CCDC88B: variants seen among roughly 807,000 people sequenced by gnomAD.
CCDC88B encodes the protein coiled-coil and HOOK domain protein 88B.
Under a neutral mutation model 183.7 loss-of-function variants are expected in CCDC88B, and 138 were observed. That is an observed-to-expected ratio of 0.75 (90% CI 0.65 to 0.87). CCDC88B has a LOEUF of 0.87. CCDC88B is among the 40% of genes least tolerant of loss of function. The probability of loss-of-function intolerance (pLI) is 0.00; values close to 1 mark genes in which losing one functional copy is unlikely to be tolerated. For missense variants in CCDC88B, 1,822 were observed against 1,965.6 expected, an observed-to-expected ratio of 0.93 and a Z score of 1.38; for synonymous variants, 835 against 867.5, an observed-to-expected ratio of 0.96 and a Z score of 0.66.
chr11:64,343,926 C>A lies in CCDC88B; in HGVS notation c.1455+12C>A. ...AGCCAGGGGGCCAGGTAAGTCCCCTCCCCCAGGGTCCTGGCCGGCCCTTCC... is the reference window on the plus strand; with the variant it reads ...AGCCAGGGGGCCAGGTAAGTCCCCTACCCCAGGGTCCTGGCCGGCCCTTCC... On this transcript the variant is annotated intron_variant, in intron 13 of 26. Transcript: ENST00000356786. 1 of 1,589,868 alleles carries A rather than the reference C, an allele frequency of 6.3e-7. No homozygotes were observed. The highest frequency in any genetic ancestry group is 8.6e-7 in the Non-Finnish European group (1 of 1,167,362).
At position 64,352,836 on chromosome 11, in the gene CCDC88B, G is replaced by A. The variant is rs778991493; in HGVS notation, c.3449G>A (p.Arg1150Gln). ...ERERLMQDGH[R>Q]QRGLEEELRR... The stretch of plus-strand genomic sequence containing the variant: ...GAACGCCTGATGCAAGATGGGCATC[G>A]GCAGCGGGGCCTGGAGGAGGAGCTG... The change falls in exon 20 of 27, where the codon CGG becomes CAG. Residue 1150 changes from arginine to glutamine, a missense_variant. Transcript: ENST00000356786. 5.0e-6 allele frequency: 8 copies of A among 1,611,726 alleles called. No homozygotes were observed. The highest frequency in any genetic ancestry group is 2.2e-5 in the South Asian group (2 of 90,920).
At position 64,344,857 on chromosome 11, in the gene CCDC88B, G is replaced by A. The variant is rs772636824; in HGVS notation, c.2316G>A (p.Ala772=). The A allele has an allele frequency of 3.4e-5, 54 of 1,609,758 alleles. No homozygotes were observed. The highest frequency in any genetic ancestry group is 4.3e-5 in the Non-Finnish European group (51 of 1,178,360). ...AARLSKELAQ[A]RRAEAEAHRE... ...GCCTCTCCAAGGAGCTGGCCCAAGC[G>A]CGAAGGGCAGAGGCCGAGGCCCACC... is the stretch of plus-strand genomic sequence containing the variant. Residue 772 remains alanine, a synonymous_variant, in exon 14 of 27, where the codon GCG becomes GCA. Transcript: ENST00000356786. The surrounding 1 kb of genome is among the most constrained non-coding windows in gnomAD (Gnocchi z 4.5).
At chr11:64,342,479 G>C (rs1198559817) in intron 9 of CCDC88B, 43 bp from the exon 10 acceptor site, 1 of 1,531,944 alleles carries the variant, frequency 6.5e-7, no homozygotes. Context: ...TAATCCCTCT[G>C]GCCCGCGGCT....
intron 14 of CCDC88B, among the ~76,000 whole-genome samples, 154 bp downstream of exon 14, chr11:64,345,311 T>G (rs1275133501): frequency 2.6e-5 from 4 of 151,994 alleles, no homozygotes; most frequent in African/African-American, 9.7e-5. Flanking sequence ...TCCAAAGGTG[T>G]GCCTGGCCTG....
rs141360492 is a variant in CCDC88B, at chr11:64,344,185, C to T, written c.1644C>T (p.Pro548=). 113 of 1,612,012 alleles carry T rather than the reference C, an allele frequency of 7.0e-5. 2 individuals carry two copies. In the Middle Eastern group the frequency reaches 3.9e-3, roughly 56 times the overall value. Residue 548 remains proline (P), a synonymous_variant, in exon 14 of 27, where the codon CCC becomes CCT. Coordinates refer to ENST00000356786, the MANE Select transcript of CCDC88B (RefSeq NM_032251.6). This position sits in a 1 kb window ranked among gnomAD's most constrained non-coding sequence, Gnocchi z 4.5. Reference sequence around the variant, plus strand: ...TGCTCGAGGCATCAGCTGAGTGTCCCCAGGCACCTGATTCAGACCCACAGG... The same window carrying T: ...TGCTCGAGGCATCAGCTGAGTGTCCTCAGGCACCTGATTCAGACCCACAGG... The part of the protein sequence containing the change: ...DSVLEASAEC[P]QAPDSDPQEA...
intron 23 of CCDC88B, 41 bp from the exon 24 acceptor site, chr11:64,353,963 C>T (rs760727489): frequency 1.3e-5 from 20 of 1,538,606 alleles, no homozygotes; most frequent in African/African-American, 8.2e-5. Flanking sequence ...CTCCCTCCCT[C>T]CTCCCTGTCC....
intron 16 of CCDC88B, 75 bp downstream of exon 16, chr11:64,349,743 C>A: frequency 7.4e-7 from 1 of 1,353,544 alleles, no homozygotes; most frequent in Non-Finnish European, 1.0e-6. Flanking sequence ...CCAGGGTCAT[C>A]TGTCCTCCTA....
chr11:64,345,094 C>T lies in CCDC88B; in HGVS notation c.2553C>T (p.Ser851=), dbSNP rs566480899. Residue 851 remains serine, a synonymous_variant, in exon 14 of 27, where the codon AGC becomes AGT. Coordinates refer to ENST00000356786, the MANE Select transcript of CCDC88B (RefSeq NM_032251.6). ...AGGAACGGATGCAGGTGCTGGAGAG[C>T]GAGGGCCGCCAGCACTTGGAGGAGG... ...AAEERMQVLE[S]EGRQHLEEAE... 48 of 1,550,708 alleles carry T rather than the reference C, an allele frequency of 3.1e-5. No individual in the cohort carries two copies. The highest frequency in any genetic ancestry group is 2.9e-4 in the Admixed American group (15 of 51,618).
At chr11:64,353,556 G>A in intron 22 of CCDC88B, 60 bp downstream of exon 22, 2 of 1,587,432 alleles carry the variant, frequency 1.3e-6, no homozygotes, top group Non-Finnish European at 8.6e-7. Flanking sequence ...TTCCTGGGGA[G>A]AGCCCTTAGT....
chr11:64,349,934 C>T (rs1380317098), intron 16 of CCDC88B: 1 of 531,454 alleles, frequency 1.9e-6, no homozygotes, highest in Non-Finnish European at 3.4e-6. Context: ...CACCCGAGGT[C>T]CTCCACTGCC....
In CCDC88B at chr11:64,355,285, C is replaced by T. The variant is rs574433641; in HGVS notation, c.4191C>T (p.Ser1397=). Reference sequence around the variant, plus strand: ...CAGGCGGGCAGCGGCGGAAACTCAGCTCAAGGTTCCCGGTGGGGCGAAGCT... The same window carrying T: ...CAGGCGGGCAGCGGCGGAAACTCAGTTCAAGGTTCCCGGTGGGGCGAAGCT... ...TLAGGQRRKL[S]SRFPVGRSSE... is the part of the protein sequence containing the mutation. Residue 1397 remains serine (S), a synonymous_variant, in exon 25 of 27, where the codon AGC becomes AGT. Transcript: ENST00000356786. 4.4e-6 allele frequency: 7 copies of T among 1,590,072 alleles called. No homozygotes were observed. Among genetic ancestry groups the T allele is most frequent in the African/African-American group, 2.7e-5 (2 of 74,090 alleles).
chr11:64,348,089 C>T (rs1012700788), intron 14 of CCDC88B, among the ~76,000 whole-genome samples: 2 of 148,502 alleles, frequency 1.3e-5, no homozygotes, highest in African/African-American at 5.0e-5. Flanking sequence ...ACCTGCCTCA[C>T]AGGATCCTGT....
At chr11:64,341,824 G>C in intron 7 of CCDC88B, 82 bp downstream of exon 7, 1 of 1,494,498 alleles carries the variant, frequency 6.7e-7, no homozygotes, top group South Asian at 1.3e-5. Context: ...GGAGATGGAA[G>C]TTTGGGGCCC....
In CCDC88B at chr11:64,344,570, G is replaced by A. The variant is rs1227285401; in HGVS notation, c.2029G>A (p.Ala677Thr). 1 of 1,607,202 alleles carries A rather than the reference G, an allele frequency of 6.2e-7. No individual in the cohort carries two copies. The highest frequency in any genetic ancestry group is 8.5e-7 in the Non-Finnish European group (1 of 1,176,808). Residue 677 changes from alanine (A) to threonine (T), a missense_variant, in exon 14 of 27, where the codon GCA becomes ACA. Coordinates refer to ENST00000356786, the MANE Select transcript of CCDC88B (RefSeq NM_032251.6). The surrounding 1 kb of genome is among the most constrained non-coding windows in gnomAD (Gnocchi z 4.5). The part of the protein sequence containing the change: ...NQGLDLATGQ[A>T]EAREHDQRLE... ...GGGCCTGGACCTGGCCACGGGACAA[G>A]CAGAGGCCAGAGAGCATGACCAGAG... is the stretch of plus-strand genomic sequence containing the variant.
chr11:64,347,220 G>C (rs2036146750), intron 14 of CCDC88B, among the ~76,000 whole-genome samples: 2 of 152,262 alleles, frequency 1.3e-5, no homozygotes, highest in Non-Finnish European at 2.9e-5. Context: ...CGTGGCTTCA[G>C]CTTCCTTCCA....
intron 23 of CCDC88B, 58 bp from the exon 24 acceptor site, chr11:64,353,946 C>A: frequency 6.5e-7 from 1 of 1,549,050 alleles, no homozygotes; most frequent in Non-Finnish European, 8.8e-7. Context: ...CCCCAGGACA[C>A]CCTTTGCTCC....
rs1591279692 is a variant in CCDC88B at position 64,343,451 on chromosome 11, C to T, written c.1210-56C>T. On this transcript the variant is annotated intron_variant, in intron 11 of 26. Coordinates refer to ENST00000356786, the MANE Select transcript of CCDC88B (RefSeq NM_032251.6). ...TGACCTCTAGTGACCCTCCGACCTA[C>T]ACACTCGGCCTGGCCATGGTGTGGA... 2.6e-6 allele frequency: 4 copies of T among 1,545,270 alleles called. No individual in the cohort carries two copies. In the East Asian group the frequency reaches 7.3e-5, roughly 28 times the overall value.
intron 14 of CCDC88B, among the ~76,000 whole-genome samples, chr11:64,346,886 C>T (rs1220370664): frequency 1.3e-5 from 2 of 151,980 alleles, no homozygotes; most frequent in Non-Finnish European, 2.9e-5. Context: ...CCTCCACCTC[C>T]CAGGTTCAAG....
At chr11:64,353,309 G>C in intron 21 of CCDC88B, 42 bp from the exon 22 acceptor site, 1 of 1,604,328 alleles carries the variant, frequency 6.2e-7, no homozygotes, top group Non-Finnish European at 8.5e-7. Context: ...AGGTGGTCCT[G>C]AGCTGGGTCC....
Sources: allele counts gnomAD v4.1 joint callset (sites outside exome capture counted in the v4.1 genomes callset), GRCh38; gene constraint gnomAD v4.1.1; non-coding constraint Gnocchi (gnomAD v3.1); transcripts MANE v1.5; gene names NCBI Gene and HGNC (gene_info 2026-07-23, HGNC 2026-07-21).